ROR1: variants seen among roughly 807,000 people sequenced by gnomAD.
ROR1 encodes the protein ROR family WNT receptor 1, also known as inactive tyrosine-protein kinase transmembrane receptor ROR1.
ROR1 carries 19 observed loss-of-function variants against 78.8 expected under a neutral mutation model. The observed-to-expected ratio is 0.24, with a 90% confidence interval of 0.17 to 0.35. The LOEUF (loss-of-function observed/expected upper bound fraction) is 0.35, where lower values mean the gene tolerates loss of function less well. Among genes scored for constraint, ROR1 ranks in the 10% least tolerant of loss-of-function variants. The pLI, the probability that ROR1 is intolerant of heterozygous loss-of-function variation, is 1.00. For missense variants in ROR1, 917 were observed against 1,177.8 expected (o/e 0.78, Z 3.24); for synonymous variants, 386 against 433.6 (o/e 0.89, Z 1.36).
intron 1 of ROR1, among the ~76,000 whole-genome samples, chr1:63,802,328 A>G (rs1013518636): frequency 3.3e-5 from 5 of 152,108 alleles, no homozygotes; most frequent in African/African-American, 1.2e-4. Flanking sequence ...TGCTCTATAG[A>G]GGGAATGGAG....
chr1:63,929,599 G>A (rs1645734624), intron 1 of ROR1, among the ~76,000 whole-genome samples: 1 of 152,166 alleles, frequency 6.6e-6, no homozygotes, highest in Non-Finnish European at 1.5e-5. Flanking sequence ...ATAGCTTCTA[G>A]TACTTGGGGA....
intron 1 of ROR1, chr1:63,788,622 T>TTATA (rs141697301): frequency 7.8e-4 from 119 of 152,820 alleles, no homozygotes; most frequent in African/African-American, 2.6e-3. Flanking sequence ...ATATTATATG[T>TTATA]TATATATATA....
At chr1:63,813,207 A>G (rs540184463) in intron 1 of ROR1, among the ~76,000 whole-genome samples, 1 of 152,324 alleles carries the variant, frequency 6.6e-6, no homozygotes, top group South Asian at 2.1e-4. Flanking sequence ...AAAAAACTAA[A>G]TGGGGGAGCA....
chr1:63,912,003 T>G (rs1050774212), intron 1 of ROR1, among the ~76,000 whole-genome samples: 17 of 151,816 alleles, frequency 1.1e-4, no homozygotes, highest in South Asian at 8.3e-4. Context: ...GATGTGATCC[T>G]GGGTCAGGGA....
chr1:64,049,396 G>C (rs1019740010), intron 2 of ROR1, among the ~76,000 whole-genome samples: 4 of 152,168 alleles, frequency 2.6e-5, no homozygotes, highest in Non-Finnish European at 5.9e-5. Context: ...GGAACAAGGA[G>C]TGTATATGAT....
At chr1:63,831,506 T>C (rs1256739147) in intron 1 of ROR1, among the ~76,000 whole-genome samples, 1 of 152,226 alleles carries the variant, frequency 6.6e-6, no homozygotes, top group Non-Finnish European at 1.5e-5. Context: ...AGCTGTACTT[T>C]GGCCCCTTTT....
chr1:63,906,870 A>G lies in ROR1; in HGVS notation c.92-102435A>G, dbSNP rs192229813. ...AAACTTTATTCTTATTTTTTTGTCA[A>G]AAGAAAAGTCCTAAGTTTCCCAAAT... On this transcript the variant is annotated intron_variant, in intron 1 of 8. Coordinates refer to ENST00000371079, the MANE Select transcript of ROR1 (RefSeq NM_005012.4). Among the ~76,000 whole-genome samples the G allele has an allele frequency of 3.4e-3, 486 of 144,730 alleles. 5 individuals carry two copies. The highest frequency in any genetic ancestry group is 0.014 in the African/African-American group (474 of 34,400). 94.9% of individuals were successfully genotyped at this position (144,730 alleles called of 152,430 possible).
chr1:64,173,926 A>G (rs1008442544), intron 8 of ROR1, among the ~76,000 whole-genome samples: 1 of 152,082 alleles, frequency 6.6e-6, no homozygotes, highest in African/African-American at 2.4e-5. Context: ...AGGCCACTCA[A>G]CTTCTCACCC....
chr1:63,968,960 A>G (rs1221424830), intron 1 of ROR1, among the ~76,000 whole-genome samples: 1 of 152,248 alleles, frequency 6.6e-6, no homozygotes, highest in Non-Finnish European at 1.5e-5. Context: ...AGAGCATTAA[A>G]TAGGAGCTTC....
chr1:64,176,658 G>T (rs2100745157), intron 8 of ROR1, among the ~76,000 whole-genome samples: 1 of 152,304 alleles, frequency 6.6e-6, no homozygotes, highest in Admixed American at 6.5e-5. Flanking sequence ...GCAAAGAAAT[G>T]ACCATAGTGG....
intron 7 of ROR1, chr1:64,142,933 C>G: frequency 8.2e-7 from 1 of 1,222,924 alleles, no homozygotes; most frequent in Non-Finnish European, 1.0e-6. Context: ...CAGTTTATCA[C>G]ATTGATTTTT....
chr1:64,053,965 A>ATTTTATTTTATTGTATTTTATTTTATTT (rs1460407003), intron 4 of ROR1, among the ~76,000 whole-genome samples: 1 of 151,716 alleles, frequency 6.6e-6, no homozygotes, highest in African/African-American at 2.4e-5. Context: ...ATTTTATTTT[A>ATTTTATTTTATTGTATTTTATTTTATTT]TTTTGAAACA....
At chr1:63,808,132 G>C (rs1052014838) in intron 1 of ROR1, among the ~76,000 whole-genome samples, 5 of 152,032 alleles carry the variant, frequency 3.3e-5, no homozygotes, top group Non-Finnish European at 7.4e-5. Flanking sequence ...GGGCACGTTT[G>C]CCAGCTTTCC....
chr1:64,067,524 C>G (rs1646967167), intron 4 of ROR1, among the ~76,000 whole-genome samples: 1 of 145,962 alleles, frequency 6.9e-6, no homozygotes, highest in Admixed American at 6.8e-5. Flanking sequence ...AACATAGGTT[C>G]ACATTCCCAA....
At chr1:64,074,651 A>G (rs1647035057) in intron 4 of ROR1, among the ~76,000 whole-genome samples, 1 of 152,206 alleles carries the variant, frequency 6.6e-6, no homozygotes, top group Non-Finnish European at 1.5e-5. Flanking sequence ...ACTTACCTGG[A>G]TAGTTCCCCA....
At chr1:64,175,256 T>C (rs1303606220) in intron 8 of ROR1, among the ~76,000 whole-genome samples, 1 of 152,076 alleles carries the variant, frequency 6.6e-6, no homozygotes, top group African/African-American at 2.4e-5. Context: ...TTTTTCTCCT[T>C]CTCTCTTACA....
intron 1 of ROR1, among the ~76,000 whole-genome samples, chr1:63,927,557 TAA>T (rs11344076): frequency 0.04 from 5,830 of 145,312 alleles, 251 homozygotes; most frequent in African/African-American, 0.11. Flanking sequence ...CTCTTTTTCT[TAA>T]AAAAAAAAAA....
At chr1:64,120,452 T>C (rs1276606616) in intron 4 of ROR1, among the ~76,000 whole-genome samples, 1 of 152,238 alleles carries the variant, frequency 6.6e-6, no homozygotes, top group Non-Finnish European at 1.5e-5. Context: ...AGATCCAAAA[T>C]ATTTTCATTT....
intron 1 of ROR1, among the ~76,000 whole-genome samples, chr1:63,836,379 G>A (rs1645018884): frequency 6.6e-6 from 1 of 152,166 alleles, no homozygotes; most frequent in Non-Finnish European, 1.5e-5. Context: ...ACCATAAATA[G>A]TGTCTATAGA....
Sources: allele counts gnomAD v4.1 joint callset (sites outside exome capture counted in the v4.1 genomes callset), GRCh38; gene constraint gnomAD v4.1.1; transcripts MANE v1.5; gene names NCBI Gene and HGNC (gene_info 2026-07-23, HGNC 2026-07-21).